Variants in SCAPER observed in about 807,000 individuals in gnomAD.
SCAPER encodes S-phase cyclin A associated protein in the ER, also known as S phase cyclin A-associated protein in the endoplasmic reticulum.
Under a neutral mutation model 182.2 loss-of-function variants are expected in SCAPER, and 98 were observed. The observed-to-expected ratio is 0.54, with a 90% CI of 0.46 to 0.64. SCAPER has a LOEUF of 0.64. Ranked by LOEUF, SCAPER falls within the 30% of genes least tolerant of loss-of-function variation. SCAPER has a pLI of 0.00. For missense variants in SCAPER, 1,432 were observed against 1,690.0 expected, an observed-to-expected ratio of 0.85 and a Z score of 2.68; for synonymous variants, 605 against 564.6, an observed-to-expected ratio of 1.07 and a Z score of -1.01.
chr15:76,821,394 A>T (rs1422135662), intron 5 of SCAPER, among the ~76,000 whole-genome samples: 1 of 151,778 alleles, frequency 6.6e-6, no homozygotes, highest in Admixed American at 6.6e-5. Context: ...CAGGGCCGAG[A>T]AATCACTTGA....
At chr15:76,656,187 G>T (rs1327215302) in intron 21 of SCAPER, among the ~76,000 whole-genome samples, 1 of 152,132 alleles carries the variant, frequency 6.6e-6, no homozygotes, top group Non-Finnish European at 1.5e-5. Flanking sequence ...ATAGCCACAG[G>T]TTCAAAGTAA....
intron 20 of SCAPER, among the ~76,000 whole-genome samples, chr15:76,675,247 A>C (rs1422633178): frequency 6.6e-6 from 1 of 152,248 alleles, no homozygotes; most frequent in Admixed American, 6.5e-5. Flanking sequence ...TGGCTTGCCA[A>C]ATAAGTAGAT....
chr15:76,704,051 C>T (rs578224444), intron 18 of SCAPER, among the ~76,000 whole-genome samples: 1 of 152,212 alleles, frequency 6.6e-6, no homozygotes, highest in East Asian at 1.9e-4. Context: ...TAGAAAGTAT[C>T]AGTTTATCAT....
At position 76,404,351 on chromosome 15, in the gene SCAPER, A is replaced by G. The variant is rs2044673506; in HGVS notation, c.3467+173T>C. ...GACTGGTGAGAGTGTGTGGCCCAGA[A>G]AAATGAGAAATTAATATACATCTCA... On this transcript the variant is annotated intron_variant, in intron 27 of 31. Transcript: ENST00000563290. Among the ~76,000 whole-genome samples the G allele has an allele frequency of 2.6e-5, 4 of 152,184 alleles. No homozygotes were observed. In the South Asian group the frequency reaches 8.3e-4, roughly 32 times the overall value.
chr15:76,745,765 A>G (rs1405709260), intron 15 of SCAPER, among the ~76,000 whole-genome samples: 1 of 152,198 alleles, frequency 6.6e-6, no homozygotes, highest in African/African-American at 2.4e-5. Flanking sequence ...AAGCAATTAG[A>G]CAAGTCAAAA....
intron 17 of SCAPER, among the ~76,000 whole-genome samples, chr15:76,727,786 G>A (rs1215622672): frequency 1.3e-5 from 2 of 151,250 alleles, no homozygotes; most frequent in Non-Finnish European, 2.9e-5. Context: ...CAACCTATAG[G>A]TATATTTGCA....
chr15:76,494,375 C>T (rs1354195771), intron 24 of SCAPER, among the ~76,000 whole-genome samples: 2 of 152,120 alleles, frequency 1.3e-5, no homozygotes, highest in Non-Finnish European at 2.9e-5. Context: ...TAGGTCAGTT[C>T]CTCTTTGGTT....
intron 17 of SCAPER, among the ~76,000 whole-genome samples, chr15:76,718,844 C>T (rs1165353601): frequency 6.6e-6 from 1 of 151,870 alleles, no homozygotes; most frequent in Non-Finnish European, 1.5e-5. Context: ...ACATTAAAAC[C>T]ATTATGAAAT....
chr15:76,763,773 T>C (rs2151268827), intron 14 of SCAPER, among the ~76,000 whole-genome samples: 1 of 152,362 alleles, frequency 6.6e-6, no homozygotes, highest in Non-Finnish European at 1.5e-5. Context: ...TCTAGTTTCT[T>C]CAGTGTATTC....
rs188410810 is a variant in SCAPER, at chr15:76,625,565, G to A, written c.2646-3736C>T. On this transcript the variant is annotated intron_variant, in intron 21 of 31. Coordinates refer to ENST00000563290, the MANE Select transcript of SCAPER (RefSeq NM_020843.4). ...TCAACGGGGTTTGAGTTATGGAAAT[G>A]CAGAAGCTGTTGGACCCCTGGGCAG... is the stretch of plus-strand genomic sequence containing the variant. Among the ~76,000 whole-genome samples, 28 of 152,208 alleles carry A rather than the reference G, an allele frequency of 1.8e-4. No homozygotes were observed. In the East Asian group the frequency reaches 5.4e-3, roughly 30 times the overall value.
intron 5 of SCAPER, among the ~76,000 whole-genome samples, chr15:76,832,286 C>G (rs1297955454): frequency 1.3e-5 from 2 of 152,106 alleles, no homozygotes; most frequent in Non-Finnish European, 2.9e-5. Flanking sequence ...AAGAAAGAAC[C>G]AAACTGAACT....
chr15:76,795,431 A>G lies in SCAPER; in HGVS notation c.621T>C (p.Thr207=). ...CCAGACGAGGAGCTGGCACTGTGCC[A>G]GTTGAACCTCTATGGAGAAAAATAA... ...ARRSLNFGGS[T]GTVPAPRLAP... The change falls in exon 8 of 32, where the codon ACT becomes ACC. Residue 207 remains threonine, a synonymous_variant. Transcript: ENST00000563290. 6.3e-7 allele frequency: 1 copy of G among 1,590,196 alleles called. No homozygotes were observed. Among genetic ancestry groups the G allele is most frequent in the Non-Finnish European group, 8.6e-7 (1 of 1,169,566 alleles).
intron 27 of SCAPER, among the ~76,000 whole-genome samples, chr15:76,390,751 C>T (rs1011584532): frequency 6.6e-6 from 1 of 152,150 alleles, no homozygotes; most frequent in African/African-American, 2.4e-5. Context: ...TACTTTGGGG[C>T]TCTCTTTACA....
intron 15 of SCAPER, among the ~76,000 whole-genome samples, chr15:76,735,361 A>T (rs968280309): frequency 6.6e-6 from 1 of 152,052 alleles, no homozygotes; most frequent in African/African-American, 2.4e-5. Flanking sequence ...CAACAGAGTG[A>T]GACCCTGTCT....
At chr15:76,657,471 G>A (rs1262276054) in intron 21 of SCAPER, among the ~76,000 whole-genome samples, 3 of 151,464 alleles carry the variant, frequency 2.0e-5, no homozygotes, top group Non-Finnish European at 4.4e-5. Context: ...AATGTATAAA[G>A]AAGAGCTGGT....
Position 76,688,089 on chromosome 15 carries a change from C to T in SCAPER, c.2508+13669G>A, listed in dbSNP as rs139017237. Among the ~76,000 whole-genome samples, 93 of 152,308 alleles carry T rather than the reference C, an allele frequency of 6.1e-4. 1 individual carries two copies. The East Asian group carries it at 0.015, about 24-fold the overall frequency. ...AAAAGCACTCCTATTTCTCCACATC[C>T]TCTCCAACATCTGTTGTTTCCTGAC... On this transcript the variant is annotated intron_variant, in intron 20 of 31. Coordinates refer to ENST00000563290, the MANE Select transcript of SCAPER (RefSeq NM_020843.4).
intron 22 of SCAPER, among the ~76,000 whole-genome samples, chr15:76,613,890 C>T (rs2051218174): frequency 6.6e-6 from 1 of 152,144 alleles, no homozygotes; most frequent in Non-Finnish European, 1.5e-5. Flanking sequence ...ACCATTCAAC[C>T]CAGCAATCCC....
chr15:76,354,273 C>G lies in SCAPER; in HGVS notation c.3856-133G>C, dbSNP rs912293964. On this transcript the variant is annotated intron_variant, in intron 29 of 31. Coordinates refer to ENST00000563290, the MANE Select transcript of SCAPER (RefSeq NM_020843.4). The surrounding 1 kb of genome is among the most constrained non-coding windows in gnomAD (Gnocchi z 4.4). ...AAGAAAAAGACTCCTGACTCCGTACCAGAGCTTAATTTAAGTGATACTTGA... is the reference window on the plus strand; with the variant it reads ...AAGAAAAAGACTCCTGACTCCGTACGAGAGCTTAATTTAAGTGATACTTGA... 2.3e-5 allele frequency: 15 copies of G among 656,072 alleles called. No individual in the cohort carries two copies. The highest frequency in any genetic ancestry group is 3.6e-5 in the Non-Finnish European group (15 of 422,066). 40.6% of individuals were successfully genotyped at this position (656,072 alleles called of 1,614,324 possible). A position where few individuals can be genotyped will look rare whatever the true frequency, so the allele number is the denominator to read the frequency against.
intron 27 of SCAPER, among the ~76,000 whole-genome samples, chr15:76,384,758 T>C (rs1276575859): frequency 1.3e-5 from 2 of 152,188 alleles, no homozygotes; most frequent in Non-Finnish European, 2.9e-5. Context: ...TCCACAGGAC[T>C]AATGTAGACA....
Sources: gnomAD v4.1 joint callset for allele counts (sites outside exome capture counted in the v4.1 genomes callset) on GRCh38, gnomAD v4.1.1 for gene constraint, Gnocchi (gnomAD v3.1) non-coding constraint, MANE v1.5 for transcripts, NCBI Gene and HGNC (gene_info 2026-07-23, HGNC 2026-07-21) for gene names.